HMGCS1: variants seen among roughly 807,000 people sequenced by gnomAD.
HMGCS1 encodes the protein hydroxymethylglutaryl-CoA synthase, cytoplasmic.
A neutral mutation model predicts 52.3 loss-of-function variants in HMGCS1; 9 were observed. The ratio of observed to expected loss-of-function variants is 0.17; its 90% CI spans 0.10 to 0.30. HMGCS1 has a LOEUF of 0.30. HMGCS1 is among the 10% of genes least tolerant of loss of function. HMGCS1 has a pLI of 1.00. For synonymous variants in HMGCS1, 176 were observed against 214.4 expected (o/e 0.82, Z 1.57); for missense variants, 320 against 620.9 (o/e 0.52, Z 5.15).
chr5:43,293,559 T>G (rs1269123039), intron 8 of HMGCS1, among the ~76,000 whole-genome samples: 2 of 20,610 alleles, frequency 9.7e-5, no homozygotes, highest in Non-Finnish European at 1.9e-4. Flanking sequence ...TAAGGTAGAA[T>G]TTTTTTTTTT....
intron 2 of HMGCS1, among the ~76,000 whole-genome samples, chr5:43,305,886 T>TGC (rs1554020427): frequency 6.7e-6 from 1 of 149,466 alleles, no homozygotes; most frequent in Non-Finnish European, 1.5e-5. Context: ...AAAAATTACG[T>TGC]TTTTAATTTT....
At chr5:43,302,342 T>C (rs1463158424) in intron 2 of HMGCS1, among the ~76,000 whole-genome samples, 1 of 152,216 alleles carries the variant, frequency 6.6e-6, no homozygotes, top group Non-Finnish European at 1.5e-5. Context: ...ATATTCTTTA[T>C]CCAAAAACAT....
chr5:43,294,369 G>A (rs1753929734), intron 7 of HMGCS1: 3 of 518,416 alleles, frequency 5.8e-6, no homozygotes, highest in Non-Finnish European at 1.0e-5. Flanking sequence ...TCATCTTGTG[G>A]GGAATGACAG....
intron 2 of HMGCS1, among the ~76,000 whole-genome samples, chr5:43,299,967 T>C (rs750937002): frequency 7.2e-5 from 11 of 152,094 alleles, no homozygotes; most frequent in Non-Finnish European, 1.3e-4. Context: ...GCGGAAAAGG[T>C]GGTTCTCTGA....
rs1753578859 is a variant in HMGCS1, at chr5:43,288,150, A to C, written c.*2981T>G. 1 of 152,230 alleles carries C rather than the reference A, an allele frequency of 6.6e-6. No homozygotes were observed. The highest frequency in any genetic ancestry group is 2.4e-5 in the African/African-American group (1 of 41,468). The allele number at this position is 152,230 out of a possible 1,614,324, so 9.4% of individuals were successfully genotyped here. On this transcript the variant is annotated 3_prime_UTR_variant, in exon 11 of 11. Transcript: ENST00000325110. ...CTGAATAAAGTAGTCCAGGAAAGAC[A>C]TTCTTTTTAATATTAAAAGATAAAG... is the stretch of plus-strand genomic sequence containing the variant.
chr5:43,294,950 A>G (rs1349150758), intron 6 of HMGCS1, 89 bp from the exon 7 acceptor site: 11 of 789,692 alleles, frequency 1.4e-5, no homozygotes, highest in Non-Finnish European at 1.2e-5. Flanking sequence ...TCAAATCTTT[A>G]AGTGTATATA....
chr5:43,305,447 G>A (rs1267306298), intron 2 of HMGCS1, among the ~76,000 whole-genome samples: 1 of 151,996 alleles, frequency 6.6e-6, no homozygotes, highest in Non-Finnish European at 1.5e-5. Flanking sequence ...CCCTACCAGA[G>A]AATAGAATAT....
At chr5:43,296,181 A>AT (rs72297937) in intron 5 of HMGCS1, among the ~76,000 whole-genome samples, 68,381 of 151,712 alleles carry the variant, frequency 0.45, 16,153 homozygotes, top group Middle Eastern at 0.62. Context: ...CAGGATTAGT[A>AT]TTTTTTTTAA....
chr5:43,304,568 C>G (rs1196005456), intron 2 of HMGCS1, among the ~76,000 whole-genome samples: 1 of 152,218 alleles, frequency 6.6e-6, no homozygotes, highest in East Asian at 1.9e-4. Flanking sequence ...TTGTCACAGT[C>G]TGACCAGCTC....
At chr5:43,302,629 C>T (rs1754376804) in intron 2 of HMGCS1, among the ~76,000 whole-genome samples, 1 of 152,182 alleles carries the variant, frequency 6.6e-6, no homozygotes, top group Admixed American at 6.5e-5. Context: ...GCCAGCATGA[C>T]ATTTGCATAT....
chr5:43,310,387 C>A (rs1019406017), intron 1 of HMGCS1, among the ~76,000 whole-genome samples: 5 of 152,208 alleles, frequency 3.3e-5, no homozygotes, highest in African/African-American at 1.2e-4. Flanking sequence ...GTCTACATAG[C>A]CTACTCTCTA....
chr5:43,294,102 C>T lies in HMGCS1; in HGVS notation c.1137G>A (p.Leu379=). The T allele has an allele frequency of 6.2e-7, 1 of 1,613,522 alleles. No homozygotes were observed. Among genetic ancestry groups the T allele is most frequent in the African/African-American group, 1.3e-5 (1 of 74,996 alleles). ...RIGVFSYGSG[L]AATLYSLKVT... is the part of the protein sequence containing the mutation. ...CTTTAAGAGAGTACAGAGTGGCAGC[C>T]AAACCAGAACCATAAGAAAACACTC... Residue 379 remains leucine (L), a synonymous_variant, in exon 8 of 11, where the codon TTG becomes TTA. Transcript: ENST00000325110.
At chr5:43,305,037 A>G (rs373221351) in intron 2 of HMGCS1, among the ~76,000 whole-genome samples, 5 of 151,784 alleles carry the variant, frequency 3.3e-5, no homozygotes, top group Non-Finnish European at 5.9e-5. Context: ...CCCAGGCTGG[A>G]GTGCAATGGT....
chr5:43,304,162 T>C (rs752783165), intron 2 of HMGCS1, among the ~76,000 whole-genome samples: 2 of 152,236 alleles, frequency 1.3e-5, no homozygotes, highest in Admixed American at 6.5e-5. Flanking sequence ...ACTACTGTTA[T>C]CAGAAAAAGA....
Position 43,291,085 on chromosome 5 carries a change from A to AGGCCCCCCCCAC in HMGCS1, c.*45_*46insGTGGGGGGGGCC. ...TTCCTCCAACTGTTCCCATACCCCCACCCCATGCCCACCCCACCCTGAAGT... is the reference window on the plus strand; with the variant it reads ...TTCCTCCAACTGTTCCCATACCCCCAGGCCCCCCCCACCCCCATGCCCACCCCACCCTGAAGT... On this transcript the variant is annotated 3_prime_UTR_variant, in exon 11 of 11. Transcript: ENST00000325110. 1 of 514,254 alleles carries AGGCCCCCCCCAC rather than the reference A, an allele frequency of 1.9e-6. No individual in the cohort carries two copies. Among genetic ancestry groups the AGGCCCCCCCCAC allele is most frequent in the Non-Finnish European group, 3.9e-6 (1 of 255,674 alleles). The allele number at this position is 514,254 out of a possible 1,614,324, so 31.9% of individuals were successfully genotyped here.
At chr5:43,306,041 A>C (rs1405394900) in intron 2 of HMGCS1, among the ~76,000 whole-genome samples, 1 of 152,172 alleles carries the variant, frequency 6.6e-6, no homozygotes, top group Non-Finnish European at 1.5e-5. Flanking sequence ...AGAAAAGGCA[A>C]CTTTCAGAGA....
chr5:43,292,249 C>T (rs1200508096), intron 10 of HMGCS1, among the ~76,000 whole-genome samples: 9 of 152,062 alleles, frequency 5.9e-5, no homozygotes, highest in African/African-American at 2.2e-4. Flanking sequence ...CCTCAGTCTC[C>T]CAAAGTGCTG....
chr5:43,296,870 G>T, intron 5 of HMGCS1, 132 bp downstream of exon 5: 1 of 654,952 alleles, frequency 1.5e-6, no homozygotes, highest in Non-Finnish European at 2.6e-6. Context: ...AATGTTGTTT[G>T]GTGAATGAGG....
At chr5:43,302,800 C>A (rs947251994) in intron 2 of HMGCS1, among the ~76,000 whole-genome samples, 1 of 152,148 alleles carries the variant, frequency 6.6e-6, no homozygotes. Flanking sequence ...AAGGCCAGCA[C>A]CAAAACCTTC....
Sources: allele counts gnomAD v4.1 joint callset (sites outside exome capture counted in the v4.1 genomes callset), GRCh38; gene constraint gnomAD v4.1.1; transcripts MANE v1.5; gene names NCBI Gene and HGNC (gene_info 2026-07-23, HGNC 2026-07-21).